The following ZCWPW2 variants were observed in gnomAD, a reference collection of about 807,000 sequenced individuals.
ZCWPW2 encodes zinc finger CW-type PWWP domain protein 2.
In ZCWPW2, 45 loss-of-function variants were observed where a neutral mutation model predicts 46.6. The ratio of observed to expected loss-of-function variants is 0.96; its 90% CI spans 0.76 to 1.24. The LOEUF (loss-of-function observed/expected upper bound fraction) is 1.24, where lower values mean the gene tolerates loss of function less well. Among genes scored for constraint, ZCWPW2 ranks in the 50% most tolerant of loss-of-function variants. The pLI is 0.00. For missense variants in ZCWPW2, 429 were observed against 403.9 expected, an observed-to-expected ratio of 1.06 and a Z score of -0.53; for synonymous variants, 152 against 137.1, an observed-to-expected ratio of 1.11 and a Z score of -0.76.
chr3:28,504,201 T>C (rs1700219954), intron 6 of ZCWPW2, among the ~76,000 whole-genome samples: 1 of 152,062 alleles, frequency 6.6e-6, no homozygotes, highest in Non-Finnish European at 1.5e-5. Context: ...CTATCTCAAA[T>C]AATGATAATA....
chr3:28,449,359 A>G (rs751008570), intron 4 of ZCWPW2, among the ~76,000 whole-genome samples: 9 of 152,212 alleles, frequency 5.9e-5, no homozygotes, highest in Non-Finnish European at 1.0e-4. Context: ...ATAGAAAGGA[A>G]ATTCTGACAT....
chr3:28,433,667 A>T (rs1055705302), intron 3 of ZCWPW2, among the ~76,000 whole-genome samples: 6 of 151,888 alleles, frequency 4.0e-5, no homozygotes, highest in African/African-American at 1.5e-4. Flanking sequence ...GAGGCTGGAG[A>T]ATTGCTTGAA....
intron 3 of ZCWPW2, among the ~76,000 whole-genome samples, chr3:28,434,179 A>C (rs1017428722): frequency 6.6e-6 from 1 of 152,176 alleles, no homozygotes; most frequent in Non-Finnish European, 1.5e-5. Flanking sequence ...ACAGAACATG[A>C]TAAACCAAAT....
At chr3:28,478,742 T>C in intron 4 of ZCWPW2, 72 bp from the exon 5 acceptor site, 2 of 711,232 alleles carry the variant, frequency 2.8e-6, no homozygotes, top group Non-Finnish European at 4.2e-6. Flanking sequence ...TTGTTCCAGC[T>C]TAATAAGTGG....
At chr3:28,386,398 T>C (rs943993935) in intron 1 of ZCWPW2, among the ~76,000 whole-genome samples, 1 of 152,136 alleles carries the variant, frequency 6.6e-6, no homozygotes, top group Non-Finnish European at 1.5e-5. Context: ...AGAAAATTAA[T>C]AAGTTGTTTA....
At chr3:28,360,976 C>T (rs1704920338) in intron 1 of ZCWPW2, among the ~76,000 whole-genome samples, 2 of 151,874 alleles carry the variant, frequency 1.3e-5, no homozygotes, top group African/African-American at 4.8e-5. Context: ...CACACATAGC[C>T]CAAACGTAAT....
At chr3:28,461,397 C>T (rs1439402650) in intron 4 of ZCWPW2, 1 of 151,984 alleles carries the variant, frequency 6.6e-6, no homozygotes, top group Non-Finnish European at 1.5e-5. Context: ...GCTACCAATA[C>T]TAGAGGATAA....
At chr3:28,470,100 A>G (rs918237794) in intron 4 of ZCWPW2, among the ~76,000 whole-genome samples, 1 of 152,228 alleles carries the variant, frequency 6.6e-6, no homozygotes, top group Non-Finnish European at 1.5e-5. Flanking sequence ...CAATGCAATA[A>G]AACTAGAAAT....
chr3:28,372,996 TATATCC>T (rs1233983379), intron 1 of ZCWPW2, among the ~76,000 whole-genome samples: 3 of 152,348 alleles, frequency 2.0e-5, no homozygotes, highest in Admixed American at 1.3e-4. Flanking sequence ...TCTATATCTA[TATATCC>T]ATATCTATAT....
At chr3:28,432,979 T>G (rs1158026595) in intron 3 of ZCWPW2, among the ~76,000 whole-genome samples, 1 of 152,164 alleles carries the variant, frequency 6.6e-6, no homozygotes, top group African/African-American at 2.4e-5. Flanking sequence ...TTTTAGTAAC[T>G]TTACTCTTTT....
chr3:28,362,483 A>G (rs1417802013), intron 1 of ZCWPW2, among the ~76,000 whole-genome samples: 1 of 152,120 alleles, frequency 6.6e-6, no homozygotes, highest in Non-Finnish European at 1.5e-5. Context: ...AAAATGCTCA[A>G]TATCATCATT....
chr3:28,461,319 A>G (rs1410922321), intron 4 of ZCWPW2, among the ~76,000 whole-genome samples: 1 of 152,090 alleles, frequency 6.6e-6, no homozygotes, highest in Non-Finnish European at 1.5e-5. Flanking sequence ...TTAGTTTTAA[A>G]GTTAGGTACC....
intron 1 of ZCWPW2, among the ~76,000 whole-genome samples, chr3:28,375,676 G>A (rs951921501): frequency 1.3e-5 from 2 of 151,194 alleles, no homozygotes; most frequent in African/African-American, 4.8e-5. Flanking sequence ...ATACAATTAA[G>A]TTTATTATTG....
rs193061620 is a variant in ZCWPW2 at position 28,456,885 on chromosome 3, G to T, written c.492+21616G>T. On this transcript the variant is annotated intron_variant, in intron 4 of 9. Coordinates refer to ENST00000383768, the MANE Select transcript of ZCWPW2 (RefSeq NM_001040432.4). The stretch of plus-strand genomic sequence containing the variant: ...GGCTTTGGTTTGCCAGTATTTTGAC[G>T]AGGATTTTTGCACTGATGTTCATCA... Among the ~76,000 whole-genome samples, 387 of 152,254 alleles carry T rather than the reference G, an allele frequency of 2.5e-3. 1 individual carries two copies. The highest frequency in any genetic ancestry group is 8.5e-3 in the African/African-American group (351 of 41,532).
At chr3:28,414,293 C>G (rs1446509266) in intron 3 of ZCWPW2, among the ~76,000 whole-genome samples, 3 of 151,342 alleles carry the variant, frequency 2.0e-5, no homozygotes, top group African/African-American at 7.3e-5. Context: ...GTCAAAATTA[C>G]AAAAAAATTT....
chr3:28,427,923 G>T (rs1029911241), intron 3 of ZCWPW2: 6 of 152,128 alleles, frequency 3.9e-5, no homozygotes, highest in Admixed American at 2.6e-4. Flanking sequence ...ACACTGTAAT[G>T]TAACAATTAT....
At chr3:28,475,823 T>G (rs146904067) in intron 4 of ZCWPW2, among the ~76,000 whole-genome samples, 1 of 152,278 alleles carries the variant, frequency 6.6e-6, no homozygotes, top group Non-Finnish European at 1.5e-5. Context: ...GAGAGTTACC[T>G]TGACCACTCA....
chr3:28,486,238 C>T (rs1459074764), intron 5 of ZCWPW2, among the ~76,000 whole-genome samples: 1 of 152,154 alleles, frequency 6.6e-6, no homozygotes, highest in Non-Finnish European at 1.5e-5. Flanking sequence ...TCCCTGGTAT[C>T]ATTGCTATCA....
intron 1 of ZCWPW2, among the ~76,000 whole-genome samples, chr3:28,358,098 C>A (rs570428270): frequency 6.6e-6 from 1 of 152,120 alleles, no homozygotes; most frequent in African/African-American, 2.4e-5. Flanking sequence ...ACAGTCAAAT[C>A]TGTTCACCTA....
Sources: allele counts gnomAD v4.1 joint callset (sites outside exome capture counted in the v4.1 genomes callset), GRCh38; gene constraint gnomAD v4.1.1; transcripts MANE v1.5; gene names NCBI Gene and HGNC (gene_info 2026-07-23, HGNC 2026-07-21).